SEC14L6: variants seen among roughly 807,000 people sequenced by gnomAD.
SEC14L6 encodes the protein SEC14-like protein 6.
In SEC14L6, 40 loss-of-function variants were observed where a neutral mutation model predicts 54.1. That is an observed-to-expected ratio of 0.74 (90% CI 0.57 to 0.96). SEC14L6 has a LOEUF of 0.96. SEC14L6 is among the 40% of genes least tolerant of loss of function. SEC14L6 has a pLI of 0.00. For missense variants in SEC14L6, 471 were observed against 498.3 expected (o/e 0.95, Z 0.52); for synonymous variants, 171 against 198.4 (o/e 0.86, Z 1.16).
intron 1 of SEC14L6, among the ~76,000 whole-genome samples, chr22:30,539,174 T>C (rs895341903): frequency 1.3e-5 from 2 of 152,020 alleles, no homozygotes; most frequent in African/African-American, 4.8e-5. Flanking sequence ...GTCAGGAGTT[T>C]GAGACCAGCC....
chr22:30,532,419 A>T, intron 5 of SEC14L6, 106 bp downstream of exon 5: 1 of 1,329,634 alleles, frequency 7.5e-7, no homozygotes, highest in Non-Finnish European at 1.0e-6. Flanking sequence ...CAGTACCAGG[A>T]GGAGCCGAGG....
At chr22:30,535,711 GT>G (rs1035739507) in intron 2 of SEC14L6, among the ~76,000 whole-genome samples, 2 of 152,038 alleles carry the variant, frequency 1.3e-5, no homozygotes, top group African/African-American at 4.8e-5. Context: ...CATAGCTTTT[GT>G]TTGTTTATTT....
intron 6 of SEC14L6, among the ~76,000 whole-genome samples, chr22:30,531,054 C>T (rs1241582898): frequency 6.6e-6 from 1 of 152,116 alleles, no homozygotes; most frequent in Non-Finnish European, 1.5e-5. Context: ...GGGGGTGCCA[C>T]GCCCAACTTA....
rs6518698 is a variant in SEC14L6 at position 30,525,384 on chromosome 22, T to C, written c.1047A>G (p.Glu349=). The C allele has an allele frequency of 0.26, 415,081 of 1,613,766 alleles. 56,376 individuals are homozygous for C. The highest frequency in any genetic ancestry group is 0.45 in the African/African-American group (33,755 of 74,930). The change falls in exon 11 of 12, where the codon GAA becomes GAG. Residue 349 remains glutamate (E), a synonymous_variant. Transcript: ENST00000402034. The part of the protein sequence containing the change: ...SQRYNAHMVP[E]DGILTCLQAG... ...CCTGGAGGCAGGTGAGAATCCCATC[T>C]TCAGGCACCATGTGGGCATTGTAGC...
intron 1 of SEC14L6, chr22:30,543,739 C>G (rs557824253): frequency 1.1e-5 from 18 of 1,584,982 alleles, no homozygotes; most frequent in Middle Eastern, 1.7e-4. Context: ...GATGGAGGCT[C>G]TCTACCTCGT....
In SEC14L6 at chr22:30,531,893, G is replaced by GTCACC; in HGVS notation, c.519+5_519+9dup. ...ACCACCCACCCATGCCCCTGGCGGG[G>GTCACC]TCACCTCACCTCCTGGAGAAGCTCT... On this transcript the variant is annotated intron_variant, in intron 6 of 11. Coordinates refer to ENST00000402034, the MANE Select transcript of SEC14L6 (RefSeq NM_001193336.4). 1 of 1,547,944 alleles carries GTCACC rather than the reference G, an allele frequency of 6.5e-7. No individual in the cohort carries two copies. The highest frequency in any genetic ancestry group is 8.7e-7 in the Non-Finnish European group (1 of 1,144,658).
Position 30,525,767 on chromosome 22 carries a change from T to A in SEC14L6, c.772-17A>T. 2 of 1,613,694 alleles carry A rather than the reference T, an allele frequency of 1.2e-6. No individual in the cohort carries two copies. Among genetic ancestry groups the A allele is most frequent in the African/African-American group, 2.7e-5 (2 of 74,974 alleles). ...GTAGTTGATCTGTGGGTGAAGGGGG[T>A]GTGTGGGCACTAGGTCACAGCTTCT... On this transcript the variant is annotated splice_polypyrimidine_tract_variant and intron_variant, in intron 9 of 11. Transcript: ENST00000402034.
chr22:30,538,946 C>T (rs1024964027), intron 1 of SEC14L6, 44 bp from the exon 2 acceptor site: 1 of 1,378,286 alleles, frequency 7.3e-7, no homozygotes, highest in African/African-American at 1.4e-5. Context: ...GCCAACCACC[C>T]TCGGTCCTGC....
At chr22:30,542,608 C>T in intron 1 of SEC14L6, 1 of 1,522,226 alleles carries the variant, frequency 6.6e-7, no homozygotes, top group Non-Finnish European at 8.8e-7. Context: ...CCGCCTCGGG[C>T]CGCTGCTCTG....
In SEC14L6 at chr22:30,529,326, A is replaced by G. The variant is rs550319423; in HGVS notation, c.543T>C (p.Asn181=). The G allele has an allele frequency of 1.9e-6, 3 of 1,550,516 alleles. No individual in the cohort carries two copies. The highest frequency in any genetic ancestry group is 2.0e-5 in the Admixed American group (1 of 50,978). ...TTAAACTCTTCAAGATCTCAGGGTAATTTGCTTCAAGTGCTGAGAAAAACT... is the reference window on the plus strand; with the variant it reads ...TTAAACTCTTCAAGATCTCAGGGTAGTTTGCTTCAAGTGCTGAGAAAAACT... ...LQEFFSALEA[N]YPEILKSLIV... The change falls in exon 7 of 12, where the codon AAT becomes AAC. Residue 181 remains asparagine (N), a synonymous_variant. Transcript: ENST00000402034.
At chr22:30,536,851 C>T (rs539378489) in intron 2 of SEC14L6, among the ~76,000 whole-genome samples, 34 of 151,702 alleles carry the variant, frequency 2.2e-4, no homozygotes, top group Non-Finnish European at 3.4e-4. Flanking sequence ...ATGGTGAAAC[C>T]CCATCTCTAC....
intron 3 of SEC14L6, among the ~76,000 whole-genome samples, chr22:30,533,533 G>A (rs1276730408): frequency 1.3e-5 from 2 of 151,908 alleles, no homozygotes; most frequent in African/African-American, 2.4e-5. Flanking sequence ...CCTGGGAGGC[G>A]GAGGTTGCAG....
rs1225227271 is a variant in SEC14L6 at position 30,532,787 on chromosome 22, A to G, written c.234+10T>C. 1 of 1,612,186 alleles carries G rather than the reference A, an allele frequency of 6.2e-7. No individual in the cohort carries two copies. Among genetic ancestry groups the G allele is most frequent in the Non-Finnish European group, 8.5e-7 (1 of 1,179,290 alleles). On this transcript the variant is annotated intron_variant, in intron 4 of 11. Coordinates refer to ENST00000402034, the MANE Select transcript of SEC14L6 (RefSeq NM_001193336.4). ...CCAGGGATCAGGGTATGGGTTTGAG[A>G]GATGCTCACCTCTGGGGGCTGCCAG...
rs865945001 is a variant in SEC14L6 at position 30,543,569 on chromosome 22, A to G, written c.54+3060T>C. 78 of 1,613,660 alleles carry G rather than the reference A, an allele frequency of 4.8e-5. No homozygotes were observed. In the Middle Eastern group the frequency reaches 3.0e-3, roughly 61 times the overall value. Reference sequence around the variant, plus strand: ...GATGTGAAGCTCACCTGCCAGGTGGAGCATGACGGGCAGTCAGCGGTCAGC... The same window carrying G: ...GATGTGAAGCTCACCTGCCAGGTGGGGCATGACGGGCAGTCAGCGGTCAGC... On this transcript the variant is annotated intron_variant, in intron 1 of 11. Coordinates refer to ENST00000402034, the MANE Select transcript of SEC14L6 (RefSeq NM_001193336.4).
chr22:30,530,625 T>C (rs557084428), intron 6 of SEC14L6, among the ~76,000 whole-genome samples: 1 of 152,288 alleles, frequency 6.6e-6, no homozygotes, highest in Middle Eastern at 3.4e-3. Flanking sequence ...TGGTCTTAAA[T>C]TCCCGAGCTC....
At chr22:30,543,160 G>A (rs2085754790) in intron 1 of SEC14L6, 1 of 1,603,846 alleles carries the variant, frequency 6.2e-7, no homozygotes, top group Admixed American at 1.7e-5. Flanking sequence ...CCAGACCAAC[G>A]TGGACCCCGC....
At chr22:30,543,849 C>G (rs972468411) in intron 1 of SEC14L6, 2 of 1,514,096 alleles carry the variant, frequency 1.3e-6, no homozygotes, top group Admixed American at 3.3e-5. Flanking sequence ...CAAATGATAT[C>G]ACATATGCGG....
rs758034059 is a variant in SEC14L6 at position 30,546,726 on chromosome 22, A to T, written c.-44T>A. On this transcript the variant is annotated 5_prime_UTR_variant, in exon 1 of 12. Coordinates refer to ENST00000402034, the MANE Select transcript of SEC14L6 (RefSeq NM_001193336.4). ...CAGGCTCCACTCTGTGGCTCCCTCC[A>T]GGTGGCCTGCCTTTTGCCAGCTGGT... The T allele has an allele frequency of 2.2e-4, 334 of 1,521,062 alleles. No individual in the cohort carries two copies. Among genetic ancestry groups the T allele is most frequent in the Non-Finnish European group, 2.8e-4 (313 of 1,123,124 alleles). The allele number at this position is 1,521,062 out of a possible 1,614,324, so 94.2% of individuals were successfully genotyped here.
chr22:30,535,006 G>A (rs1937099595), intron 2 of SEC14L6, among the ~76,000 whole-genome samples: 1 of 148,120 alleles, frequency 6.8e-6, no homozygotes, highest in Non-Finnish European at 1.5e-5. Context: ...ACCAGCCTAG[G>A]CAACATAGTG....
Sources: allele counts gnomAD v4.1 joint callset (sites outside exome capture counted in the v4.1 genomes callset), GRCh38; gene constraint gnomAD v4.1.1; transcripts MANE v1.5; gene names NCBI Gene and HGNC (gene_info 2026-07-23, HGNC 2026-07-21).